IGSF11: variants seen among roughly 807,000 people sequenced by gnomAD.
IGSF11 encodes the protein CXADR like 1.
In IGSF11, 22 loss-of-function variants were observed where a neutral mutation model predicts 41.0. The ratio of observed to expected loss-of-function variants is 0.54; its 90% CI spans 0.38 to 0.77. The LOEUF (loss-of-function observed/expected upper bound fraction) is 0.77. Among genes scored for constraint, IGSF11 ranks in the 30% least tolerant of loss-of-function variants. IGSF11 has a pLI of 0.00. For missense variants in IGSF11, 444 were observed against 530.8 expected (o/e 0.84, Z 1.61); for synonymous variants, 219 against 201.3 (o/e 1.09, Z -0.74).
At chr3:119,046,539 G>A (rs1071403) in intron 1 of IGSF11, among the ~76,000 whole-genome samples, 30,406 of 151,206 alleles carry the variant, frequency 0.2, 3,352 homozygotes, top group Middle Eastern at 0.25. Context: ...GAAAGTGATG[G>A]GGAGAATGGA....
At chr3:118,982,911 G>C (rs985557050) in intron 1 of IGSF11, among the ~76,000 whole-genome samples, 2 of 152,104 alleles carry the variant, frequency 1.3e-5, no homozygotes, top group African/African-American at 4.8e-5. Flanking sequence ...ATTCCAAATG[G>C]TGATTTAGAA....
At chr3:119,106,448 A>G (rs2077026424), upstream of IGSF11, among the ~76,000 whole-genome samples, 1 of 152,160 alleles carries the variant, frequency 6.6e-6, no homozygotes, top group Non-Finnish European at 1.5e-5. Flanking sequence ...CCCACAAATA[A>G]GTAAGAAATT....
chr3:118,982,238 G>A (rs1183165450), intron 1 of IGSF11, among the ~76,000 whole-genome samples: 1 of 152,106 alleles, frequency 6.6e-6, no homozygotes, highest in Non-Finnish European at 1.5e-5. Flanking sequence ...CTCCACCAGG[G>A]CAGAGCTAGA....
At chr3:119,101,670 TCA>T (rs140151486) in intron 1 of IGSF11, among the ~76,000 whole-genome samples, 4,607 of 152,288 alleles carry the variant, frequency 0.03, 214 homozygotes, top group African/African-American at 0.1. Flanking sequence ...CTTCCTTGAT[TCA>T]CAGTTCTTGG....
intron 1 of IGSF11, among the ~76,000 whole-genome samples, chr3:119,015,765 T>G (rs2107702773): frequency 6.6e-6 from 1 of 151,460 alleles, no homozygotes; most frequent in South Asian, 2.1e-4. Context: ...AAAAAAACTG[T>G]TTTATAATGT....
intron 4 of IGSF11, 94 bp downstream of exon 4, chr3:118,926,007 G>A (rs1167084747): frequency 1.1e-6 from 1 of 934,858 alleles, no homozygotes; most frequent in East Asian, 2.8e-5. Context: ...GTTATAGGGT[G>A]TTATTTTTCA....
intron 1 of IGSF11, among the ~76,000 whole-genome samples, chr3:119,027,275 T>C (rs1939915635): frequency 6.6e-6 from 1 of 152,174 alleles, no homozygotes; most frequent in East Asian, 1.9e-4. Flanking sequence ...TTTCAGCCAG[T>C]CTTTAAGAAA....
intron 1 of IGSF11, among the ~76,000 whole-genome samples, chr3:119,076,020 G>C (rs560718037): frequency 6.6e-6 from 1 of 152,230 alleles, no homozygotes; most frequent in South Asian, 2.1e-4. Context: ...ATACTACAAG[G>C]CTACAGTAAC....
chr3:119,044,215 A>T (rs1941229531), intron 1 of IGSF11, among the ~76,000 whole-genome samples: 1 of 152,206 alleles, frequency 6.6e-6, no homozygotes, highest in Non-Finnish European at 1.5e-5. Flanking sequence ...TAAAGAAAAG[A>T]CAATCACAAC....
At chr3:118,922,232 G>T (rs1322477779) in intron 4 of IGSF11, among the ~76,000 whole-genome samples, 1 of 152,020 alleles carries the variant, frequency 6.6e-6, no homozygotes, top group Non-Finnish European at 1.5e-5. Context: ...TATTTGTTGC[G>T]AGGGCTTTCC....
chr3:118,959,027 G>T (rs986513100), intron 1 of IGSF11, among the ~76,000 whole-genome samples: 1 of 152,154 alleles, frequency 6.6e-6, no homozygotes, highest in Non-Finnish European at 1.5e-5. Context: ...GACTGGAGAG[G>T]CACCTACAAA....
At chr3:119,030,609 T>TAACTTTCC (rs1940303518) in intron 1 of IGSF11, among the ~76,000 whole-genome samples, 1 of 152,202 alleles carries the variant, frequency 6.6e-6, no homozygotes, top group Non-Finnish European at 1.5e-5. Context: ...GTAAACTAAT[T>TAACTTTCC]AACTTTCCAC....
Position 118,935,076 on chromosome 3 carries a change from C to T in IGSF11, c.53-4801G>A, listed in dbSNP as rs562080474. On this transcript the variant is annotated intron_variant, in intron 1 of 6. Coordinates refer to ENST00000393775, the MANE Select transcript of IGSF11 (RefSeq NM_001015887.3). Reference sequence around the variant, plus strand: ...AGTCTCACAAAGTAGTGTCAGAACACCACCAAGCTTTTAATCATACCTTGC... The same window carrying T: ...AGTCTCACAAAGTAGTGTCAGAACATCACCAAGCTTTTAATCATACCTTGC... Among the ~76,000 whole-genome samples, 15 of 151,886 alleles carry T rather than the reference C, an allele frequency of 9.9e-5. No homozygotes were observed. The East Asian group carries it at 2.5e-3, about 26-fold the overall frequency.
chr3:118,926,573 T>C (rs191923876), intron 3 of IGSF11, among the ~76,000 whole-genome samples: 298 of 152,334 alleles, frequency 2.0e-3, no homozygotes, highest in African/African-American at 6.7e-3. Context: ...TTAAGATCCA[T>C]TGTATCAACA....
intron 1 of IGSF11, among the ~76,000 whole-genome samples, chr3:119,132,378 CAAAAAAAAAAAAAAAAAAAAA>C (rs58700219): frequency 1.0e-4 from 4 of 39,774 alleles, no homozygotes; most frequent in African/African-American, 2.2e-4. Context: ...AAACAGAAAG[CAAAAAAAAAAAAAAAAAAAAA>C]AAAAAAAAGC....
intron 1 of IGSF11, among the ~76,000 whole-genome samples, chr3:118,938,357 A>T (rs1331523955): frequency 2.6e-5 from 4 of 152,172 alleles, no homozygotes; most frequent in Non-Finnish European, 5.9e-5. Context: ...CTTTAGACAA[A>T]GCAGGAGCTT....
At chr3:118,958,567 T>C (rs1311884540) in intron 1 of IGSF11, among the ~76,000 whole-genome samples, 1 of 152,132 alleles carries the variant, frequency 6.6e-6, no homozygotes, top group East Asian at 1.9e-4. Flanking sequence ...GATAAAAAAA[T>C]TATTACAAAG....
intron 1 of IGSF11, among the ~76,000 whole-genome samples, chr3:119,075,292 C>T (rs1227391739): frequency 6.6e-6 from 1 of 152,030 alleles, no homozygotes; most frequent in South Asian, 2.1e-4. Flanking sequence ...AAATTGAAAC[C>T]TTGAAGACAC....
At chr3:119,130,500 G>T (rs188585324) in intron 1 of IGSF11, among the ~76,000 whole-genome samples, 1 of 152,222 alleles carries the variant, frequency 6.6e-6, no homozygotes, top group Admixed American at 6.5e-5. Context: ...CAGCCTGGCG[G>T]GGGGAGGGGC....
Sources: allele counts gnomAD v4.1 joint callset (sites outside exome capture counted in the v4.1 genomes callset), GRCh38; gene constraint gnomAD v4.1.1; transcripts MANE v1.5; gene names NCBI Gene and HGNC (gene_info 2026-07-23, HGNC 2026-07-21).